NSA2: variants seen among roughly 807,000 people sequenced by gnomAD.
The protein encoded by NSA2 is ribosome biogenesis protein NSA2 homolog.
NSA2 carries 18 observed loss-of-function variants against 34.8 expected under a neutral mutation model. The observed-to-expected ratio is 0.52, with a 90% CI of 0.36 to 0.77. NSA2 has a LOEUF of 0.77. Ranked by LOEUF, NSA2 falls within the 30% of genes least tolerant of loss-of-function variation. The pLI is 0.00. For synonymous variants in NSA2, 79 were observed against 100.2 expected (o/e 0.79, Z 1.26); for missense variants, 188 against 314.7 (o/e 0.60, Z 3.05).
intron 1 of NSA2, 137 bp from the exon 2 acceptor site, chr5:74,768,794 A>T: frequency 1.5e-6 from 1 of 651,230 alleles, no homozygotes; most frequent in Admixed American, 3.7e-5. Flanking sequence ...CATGTGAATA[A>T]ACTTAATGGT....
Position 74,769,264 on chromosome 5 carries a change from C to T in NSA2, c.242C>T (p.Thr81Ile), listed in dbSNP as rs369517500. The part of the protein sequence containing the change: ...RNTKQKNDEK[T>I]PQGAVPAYLL... ...ACCAAACAAAAGAATGATGAAAAGA[C>T]ACCACAGGGAGCAGTACCTGCCTAT... Residue 81 changes from threonine (T) to isoleucine (I), a missense_variant, in exon 3 of 6, where the codon ACA becomes ATA. Coordinates refer to ENST00000610426, the MANE Select transcript of NSA2 (RefSeq NM_014886.6). 55 of 1,612,498 alleles carry T rather than the reference C, an allele frequency of 3.4e-5. No individual in the cohort carries two copies. Among genetic ancestry groups the T allele is most frequent in the Admixed American group, 1.0e-4 (6 of 59,690 alleles).
At chr5:74,769,554 TA>T (rs568688074) in intron 3 of NSA2, 190 bp downstream of exon 3, 55 of 454,800 alleles carry the variant, frequency 1.2e-4, no homozygotes, top group Admixed American at 4.4e-4. Context: ...ATTTAAGTTA[TA>T]AAAAAAATTT....
At chr5:74,767,465 A>C in intron 1 of NSA2, 102 bp downstream of exon 1, 1 of 1,408,556 alleles carries the variant, frequency 7.1e-7, no homozygotes, top group East Asian at 2.3e-5. Flanking sequence ...GGTAGGCGGA[A>C]ATGAGAACTG....
At chr5:74,775,420 G>A (rs1745078303) in intron 5 of NSA2, among the ~76,000 whole-genome samples, 1 of 151,942 alleles carries the variant, frequency 6.6e-6, no homozygotes, top group Non-Finnish European at 1.5e-5. Context: ...TTGGAGACCA[G>A]CCTGGCCAAC....
chr5:74,767,691 A>G (rs528305784), intron 1 of NSA2, among the ~76,000 whole-genome samples: 2 of 152,282 alleles, frequency 1.3e-5, no homozygotes, highest in Non-Finnish European at 1.5e-5. Context: ...TAATGGGAAT[A>G]TGGTTGTCCC....
At chr5:74,773,209 G>GT (rs561514489) in intron 4 of NSA2, among the ~76,000 whole-genome samples, 229 of 152,184 alleles carry the variant, frequency 1.5e-3, no homozygotes, top group Non-Finnish European at 2.0e-3. Context: ...TGAGGTTATT[G>GT]TGTTTAAGTG....
intron 5 of NSA2, among the ~76,000 whole-genome samples, chr5:74,774,493 A>T (rs1271398190): frequency 6.6e-6 from 1 of 152,064 alleles, no homozygotes; most frequent in Non-Finnish European, 1.5e-5. Context: ...AATCCCAGCC[A>T]CTTGGGAGGC....
intron 3 of NSA2, 151 bp downstream of exon 3, chr5:74,769,515 A>T (rs1277143364): frequency 1.6e-6 from 1 of 621,846 alleles, no homozygotes; most frequent in Non-Finnish European, 2.5e-6. Flanking sequence ...TTTAATAAAA[A>T]ACTTGCTTTC....
rs138008849 is a variant in NSA2, at chr5:74,767,774, G to C, written c.3+411G>C. The stretch of plus-strand genomic sequence containing the variant: ...GGAAACTGAAGGCGTCCTTGCCAAA[G>C]ACCAGACAGCTAATGAATTGCGAAG... On this transcript the variant is annotated intron_variant, in intron 1 of 5. Coordinates refer to ENST00000610426, the MANE Select transcript of NSA2 (RefSeq NM_014886.6). 8.9e-3 allele frequency among the ~76,000 whole-genome samples: 1,355 copies of C among 152,310 alleles called. 16 individuals are homozygous for C. The highest frequency in any genetic ancestry group is 0.015 in the Non-Finnish European group (1,033 of 68,034).
chr5:74,774,069 A>G lies in NSA2; in HGVS notation c.715+9A>G. The G allele has an allele frequency of 1.3e-6, 2 of 1,599,304 alleles. No homozygotes were observed. Among genetic ancestry groups the G allele is most frequent in the South Asian group, 2.2e-5 (2 of 90,574 alleles). ...AGGCAAAGTTATTTGGGGTAAGTGA[A>G]TTTTTGAATACAGGGCTGCTGTGTT... On this transcript the variant is annotated intron_variant, in intron 5 of 5. Coordinates refer to ENST00000610426, the MANE Select transcript of NSA2 (RefSeq NM_014886.6).
rs980987434 is a variant in NSA2, at chr5:74,768,978, T to A, written c.51T>A (p.Arg17=). 1.9e-6 allele frequency: 3 copies of A among 1,607,620 alleles called. No homozygotes were observed. The highest frequency in any genetic ancestry group is 2.5e-6 in the Non-Finnish European group (3 of 1,178,268). ...IELHRKRYGY[R]LDYHEKKRKK... ...TACACCGTAAACGCTATGGATACCGTTTGGATTACCATGAGAAAAAGAGAA... is the reference window on the plus strand; with the variant it reads ...TACACCGTAAACGCTATGGATACCGATTGGATTACCATGAGAAAAAGAGAA... Residue 17 remains arginine (R), a synonymous_variant, in exon 2 of 6, where the codon CGT becomes CGA. Transcript: ENST00000610426.
rs770991331 is a variant in NSA2, at chr5:74,769,398, T to A, written c.342+34T>A. Reference sequence around the variant, plus strand: ...TAACAATTGAAGTCTTTGTTTTGTTTAGGAGAATTACTTAAATTCAAATTT... The same window carrying A: ...TAACAATTGAAGTCTTTGTTTTGTTAAGGAGAATTACTTAAATTCAAATTT... On this transcript the variant is annotated intron_variant, in intron 3 of 5. Transcript: ENST00000610426. 3.9e-6 allele frequency: 6 copies of A among 1,542,108 alleles called. No homozygotes were observed. In the South Asian group the frequency reaches 7.3e-5, roughly 19 times the overall value.
At chr5:74,773,697 G>GT (rs1356795900) in intron 4 of NSA2, among the ~76,000 whole-genome samples, 171 bp from the exon 5 acceptor site, 4 of 152,054 alleles carry the variant, frequency 2.6e-5, no homozygotes, top group Non-Finnish European at 5.9e-5. Context: ...TATTTATACT[G>GT]TAACCATCAG....
intron 5 of NSA2, among the ~76,000 whole-genome samples, chr5:74,774,689 T>C (rs981047566): frequency 2.6e-5 from 4 of 151,902 alleles, no homozygotes; most frequent in South Asian, 4.2e-4. Context: ...TATAAGAAAA[T>C]AGAATAAATT....
intron 4 of NSA2, 115 bp from the exon 5 acceptor site, chr5:74,773,753 A>T (rs1745022103): frequency 1.4e-6 from 1 of 735,634 alleles, no homozygotes; most frequent in African/African-American, 1.8e-5. Context: ...TTAAGATGAC[A>T]TTATTCAACC....
In NSA2 at chr5:74,767,350, C is replaced by A. The variant is rs765870953; in HGVS notation, c.-11C>A. 9.9e-6 allele frequency: 16 copies of A among 1,612,958 alleles called. No individual in the cohort carries two copies. Among genetic ancestry groups the A allele is most frequent in the Non-Finnish European group, 1.3e-5 (15 of 1,179,584 alleles). On this transcript the variant is annotated 5_prime_UTR_variant, in exon 1 of 6. Transcript: ENST00000610426. Reference sequence around the variant, plus strand: ...CCAGCGGCTGCTCCTGGCGGCTCTGCGGCCGTCACCATGGTAAGGAGGATG... The same window carrying A: ...CCAGCGGCTGCTCCTGGCGGCTCTGAGGCCGTCACCATGGTAAGGAGGATG...
At chr5:74,773,116 C>T (rs1744998210) in intron 4 of NSA2, among the ~76,000 whole-genome samples, 1 of 152,092 alleles carries the variant, frequency 6.6e-6, no homozygotes, top group African/African-American at 2.4e-5. Context: ...TTACCACTCA[C>T]CATTTAATCT....
chr5:74,774,406 A>G (rs564716782), intron 5 of NSA2, among the ~76,000 whole-genome samples: 142 of 152,156 alleles, frequency 9.3e-4, no homozygotes, highest in Middle Eastern at 3.4e-3. Flanking sequence ...GTTTGAGACC[A>G]GCCTGGCCAA....
chr5:74,779,051 C>G lies in NSA2; in HGVS notation c.*2380C>G, dbSNP rs1367836897. The G allele has an allele frequency of 6.6e-6, 1 of 152,038 alleles. No homozygotes were observed. Among genetic ancestry groups the G allele is most frequent in the Non-Finnish European group, 1.5e-5 (1 of 67,942 alleles). The allele number at this position is 152,038 out of a possible 1,614,324, so 9.4% of individuals were successfully genotyped here. On this transcript the variant is annotated 3_prime_UTR_variant, in exon 6 of 6. Coordinates refer to ENST00000610426, the MANE Select transcript of NSA2 (RefSeq NM_014886.6). Reference sequence around the variant, plus strand: ...TTTTCCCTCTATAATCTATAAACCCCAAAATAACAATTTCTGTCAGAGAGA... The same window carrying G: ...TTTTCCCTCTATAATCTATAAACCCGAAAATAACAATTTCTGTCAGAGAGA...
Sources: gnomAD v4.1 joint callset for allele counts (sites outside exome capture counted in the v4.1 genomes callset) on GRCh38, gnomAD v4.1.1 for gene constraint, MANE v1.5 for transcripts, NCBI Gene and HGNC (gene_info 2026-07-23, HGNC 2026-07-21) for gene names.